ENTREP1: variants seen among roughly 807,000 people sequenced by gnomAD.
ENTREP1 encodes the protein Friedreich ataxia region gene X123.
the ENTREP1 span, among the ~76,000 whole-genome samples, chr9:69,358,330 C>T: frequency 6.6e-6 from 1 of 152,218 alleles, no homozygotes; most frequent in East Asian, 1.9e-4. Flanking sequence ...TGTATATGTC[C>T]TAGAATATTA....
chr9:69,350,181 A>T, the ENTREP1 span, among the ~76,000 whole-genome samples: 1 of 151,820 alleles, frequency 6.6e-6, no homozygotes, highest in Non-Finnish European at 1.5e-5. Flanking sequence ...TACTCCTATA[A>T]TTTTTTTCTA....
chr9:69,388,304 A>T, the ENTREP1 span: 49 of 1,614,076 alleles, frequency 3.0e-5, no homozygotes, highest in East Asian at 1.0e-3. Context: ...CATGGACACC[A>T]AGCTGCTGGT....
chr9:69,375,403 A>G, the ENTREP1 span, among the ~76,000 whole-genome samples: 3 of 152,232 alleles, frequency 2.0e-5, no homozygotes, highest in South Asian at 2.1e-4. Context: ...AGTGGGACTC[A>G]TGTACACGAG....
chr9:69,376,032 A>G, the ENTREP1 span, among the ~76,000 whole-genome samples: 4 of 152,216 alleles, frequency 2.6e-5, no homozygotes, highest in Non-Finnish European at 5.9e-5. Context: ...AGAACCACAG[A>G]TTATTGTGTG....
chr9:69,335,689 G>A, the ENTREP1 span, among the ~76,000 whole-genome samples: 2 of 152,190 alleles, frequency 1.3e-5, no homozygotes, highest in Non-Finnish European at 2.9e-5. Flanking sequence ...ATCTGATGAG[G>A]CTGACCCTGG....
the ENTREP1 span, among the ~76,000 whole-genome samples, chr9:69,353,350 A>T: frequency 6.6e-6 from 1 of 152,208 alleles, no homozygotes; most frequent in African/African-American, 2.4e-5. Context: ...CAAATAGCAC[A>T]ATTAACTCTG....
the ENTREP1 span, among the ~76,000 whole-genome samples, chr9:69,334,979 CAA>C: frequency 6.6e-6 from 1 of 152,042 alleles, no homozygotes; most frequent in Admixed American, 6.5e-5. Context: ...AGGCTGGTCT[CAA>C]AGTCCTGGGC....
chr9:69,367,052 G>T, the ENTREP1 span, among the ~76,000 whole-genome samples: 2 of 151,472 alleles, frequency 1.3e-5, no homozygotes, highest in East Asian at 3.9e-4. Context: ...AAGTAGCTGG[G>T]AATACAGGTG....
the ENTREP1 span, chr9:69,384,064 C>T: frequency 1.3e-6 from 2 of 1,481,510 alleles, no homozygotes; most frequent in South Asian, 2.3e-5. Context: ...TAGATTAAAA[C>T]ATGATAAAAT....
the ENTREP1 span, among the ~76,000 whole-genome samples, chr9:69,365,784 T>A: frequency 1.3e-5 from 2 of 152,200 alleles, no homozygotes; most frequent in African/African-American, 4.8e-5. Flanking sequence ...AATATTTATC[T>A]TTCTGTGCCT....
chr9:69,329,767 G>T, the ENTREP1 span: 1 of 960,594 alleles, frequency 1.0e-6, no homozygotes, highest in Non-Finnish European at 1.2e-6. Context: ...GGTTTGGGGG[G>T]TGCGTTTAGT....
the ENTREP1 span, chr9:69,382,981 A>G: frequency 8.2e-6 from 8 of 977,536 alleles, no homozygotes; most frequent in African/African-American, 1.2e-4. Context: ...TATCTAGATC[A>G]TCTGGTACCT....
the ENTREP1 span, among the ~76,000 whole-genome samples, chr9:69,358,287 T>C: frequency 0.14 from 20,983 of 152,238 alleles, 1,826 homozygotes; most frequent in Non-Finnish European, 0.19. Context: ...CTTGCAGTGA[T>C]AGTCAAGCAG....
At chr9:69,353,886 T>C in the ENTREP1 span, among the ~76,000 whole-genome samples, 4 of 152,170 alleles carry the variant, frequency 2.6e-5, no homozygotes, top group Admixed American at 2.6e-4. Flanking sequence ...TCTTCTTTGA[T>C]ATGAAAAATT....
the ENTREP1 span, chr9:69,371,664 G>A: frequency 2.5e-6 from 3 of 1,179,068 alleles, no homozygotes; most frequent in South Asian, 3.7e-5. Flanking sequence ...CTTGTCAGGT[G>A]TTCCTGGCGA....
the ENTREP1 span, chr9:69,325,724 G>C: frequency 8.1e-7 from 1 of 1,228,100 alleles, no homozygotes; most frequent in East Asian, 3.2e-5. Context: ...CGGCTCCTCG[G>C]TGAGTACCGC....
chr9:69,373,992 G>T, the ENTREP1 span, among the ~76,000 whole-genome samples: 2 of 152,070 alleles, frequency 1.3e-5, no homozygotes, highest in African/African-American at 2.4e-5. Context: ...ACCCTAAAAA[G>T]TTCTTTAGTG....
At chr9:69,327,257 C>G in the ENTREP1 span, among the ~76,000 whole-genome samples, 1 of 152,046 alleles carries the variant, frequency 6.6e-6, no homozygotes, top group Non-Finnish European at 1.5e-5. Flanking sequence ...TGCCTGTGGG[C>G]TCTGCCACTG....
chr9:69,332,481 T>C, the ENTREP1 span, among the ~76,000 whole-genome samples: 9 of 152,358 alleles, frequency 5.9e-5, no homozygotes, highest in East Asian at 1.7e-3. Context: ...TGGCTATTCA[T>C]TTAATATTGC....
Sources: allele counts gnomAD v4.1 joint callset (sites outside exome capture counted in the v4.1 genomes callset), GRCh38; gene constraint gnomAD v4.1.1; transcripts MANE v1.5; gene names NCBI Gene and HGNC (gene_info 2026-07-23, HGNC 2026-07-21).